LRRC20: variants seen among roughly 807,000 people sequenced by gnomAD.
LRRC20 encodes leucine-rich repeat-containing protein 20.
A neutral mutation model predicts 14.4 loss-of-function variants in LRRC20; 11 were observed. The ratio of observed to expected loss-of-function variants is 0.77; its 90% confidence interval spans 0.48 to 1.27. The LOEUF (loss-of-function observed/expected upper bound fraction) is 1.27. Among genes scored for constraint, LRRC20 ranks in the 50% most tolerant of loss-of-function variants. The pLI, the probability that LRRC20 is intolerant of heterozygous loss-of-function variation, is 0.00. For missense variants in LRRC20, 219 were observed against 251.2 expected, an observed-to-expected ratio of 0.87 and a Z score of 0.87; for synonymous variants, 121 against 107.3, an observed-to-expected ratio of 1.13 and a Z score of -0.79.
At chr10:70,308,431 G>A (rs1017700278) in intron 4 of LRRC20, among the ~76,000 whole-genome samples, 7 of 152,022 alleles carry the variant, frequency 4.6e-5, no homozygotes, top group Admixed American at 1.3e-4. Flanking sequence ...GTTCCCTAAC[G>A]GGAGGAGCTT....
chr10:70,379,593 C>A (rs1002419377), intron 1 of LRRC20, among the ~76,000 whole-genome samples: 1 of 152,162 alleles, frequency 6.6e-6, no homozygotes, highest in Non-Finnish European at 1.5e-5. Flanking sequence ...CTCCGACTTG[C>A]GATTCTGATG....
chr10:70,354,889 A>G (rs569734313), intron 2 of LRRC20, among the ~76,000 whole-genome samples: 1 of 152,188 alleles, frequency 6.6e-6, no homozygotes, highest in Non-Finnish European at 1.5e-5. Context: ...CAGGAGGCCT[A>G]ATTCTTATCC....
At chr10:70,318,371 G>A (rs995264551) in intron 4 of LRRC20, among the ~76,000 whole-genome samples, 4 of 152,250 alleles carry the variant, frequency 2.6e-5, no homozygotes, top group South Asian at 2.1e-4. Context: ...GAGAAATATC[G>A]GCTGGGATAG....
chr10:70,376,807 G>A (rs1258463779), intron 1 of LRRC20: 1 of 481,110 alleles, frequency 2.1e-6, no homozygotes, highest in African/African-American at 2.0e-5. Context: ...TGGCAGCTGG[G>A]TTCTACTGGT....
rs1443775034 is a variant in LRRC20, at chr10:70,299,398, G to T, written c.*1956C>A. ...TGAGAGAAACTTCACCCTCTGCTCGGAGGACATCCCCAGCCTAGGTCCTTG... is the reference window on the plus strand; with the variant it reads ...TGAGAGAAACTTCACCCTCTGCTCGTAGGACATCCCCAGCCTAGGTCCTTG... On this transcript the variant is annotated 3_prime_UTR_variant, in exon 5 of 5. Transcript: ENST00000446961. The T allele has an allele frequency of 6.6e-6, 1 of 152,274 alleles. No homozygotes were observed. The highest frequency in any genetic ancestry group is 1.5e-5 in the Non-Finnish European group (1 of 68,098). The allele number at this position is 152,274 out of a possible 1,614,324, so 9.4% of individuals were successfully genotyped here. A position where few individuals can be genotyped will look rare whatever the true frequency, so the allele number is the denominator to read the frequency against.
chr10:70,335,524 G>A (rs1434485209), intron 3 of LRRC20, among the ~76,000 whole-genome samples: 1 of 152,190 alleles, frequency 6.6e-6, no homozygotes, highest in Non-Finnish European at 1.5e-5. Context: ...CGCTTTGGAG[G>A]GCAGAAGGAG....
Position 70,376,441 on chromosome 10 carries a change from C to A in LRRC20, c.82+11G>T. The A allele has an allele frequency of 1.9e-6, 3 of 1,613,872 alleles. No individual in the cohort carries two copies. Among genetic ancestry groups the A allele is most frequent in the Non-Finnish European group, 2.5e-6 (3 of 1,179,886 alleles). On this transcript the variant is annotated intron_variant, in intron 2 of 4. Coordinates refer to ENST00000446961, the MANE Select transcript of LRRC20 (RefSeq NM_001278212.2). ...TCCAGGGAAGTTGGGAAAAGCCCTG[C>A]CCTCACTCACCCAGAGTGTCAGAGC...
At position 70,323,873 on chromosome 10, in the gene LRRC20, G is replaced by A. The variant is rs1238337067; in HGVS notation, c.390C>T (p.Asn130=). 15 of 1,614,022 alleles carry A rather than the reference G, an allele frequency of 9.3e-6. No individual in the cohort carries two copies. The highest frequency in any genetic ancestry group is 3.3e-5 in the South Asian group (3 of 91,094). ...GCCAGGCCCACTCACCTACGATCTC[G>A]TTCTCCTCCAGGTTGATGGTCTCCA... ...PALETINLEE[N]EIVDVPVEKL... Residue 130 remains asparagine (N), a synonymous_variant, in exon 4 of 5, where the codon AAC becomes AAT. Coordinates refer to ENST00000446961, the MANE Select transcript of LRRC20 (RefSeq NM_001278212.2).
At chr10:70,344,212 G>T (rs1005518001) in intron 2 of LRRC20, among the ~76,000 whole-genome samples, 12 of 151,530 alleles carry the variant, frequency 7.9e-5, no homozygotes, top group African/African-American at 2.2e-4. Context: ...AAAAAGAAAA[G>T]AAAATAAAAA....
chr10:70,361,711 A>C (rs2394725), intron 2 of LRRC20, among the ~76,000 whole-genome samples: 561 of 146,658 alleles, frequency 3.8e-3, no homozygotes, highest in East Asian at 7.9e-3. Context: ...TCCCTCCCCC[A>C]CCCTCACCCT....
At chr10:70,377,893 A>C (rs1844568362) in intron 1 of LRRC20, among the ~76,000 whole-genome samples, 1 of 152,252 alleles carries the variant, frequency 6.6e-6, no homozygotes, top group Non-Finnish European at 1.5e-5. Flanking sequence ...GAACAGTGGG[A>C]AAACACTGAT....
chr10:70,329,561 CT>C (rs375932907), intron 3 of LRRC20, among the ~76,000 whole-genome samples: 284 of 124,844 alleles, frequency 2.3e-3, no homozygotes, highest in African/African-American at 3.1e-3. Flanking sequence ...CTTCTTTTGC[CT>C]TTTTTTTTTT....
intron 1 of LRRC20, among the ~76,000 whole-genome samples, chr10:70,378,431 T>A (rs1337084272): frequency 6.6e-6 from 1 of 150,660 alleles, no homozygotes; most frequent in Non-Finnish European, 1.5e-5. Context: ...TCACTTGAGG[T>A]CGGGAGTTGG....
chr10:70,313,160 A>T (rs999721805), intron 4 of LRRC20, among the ~76,000 whole-genome samples: 2 of 152,184 alleles, frequency 1.3e-5, no homozygotes, highest in Non-Finnish European at 2.9e-5. Flanking sequence ...GAGACAGCCA[A>T]ATAAGCAGCT....
intron 4 of LRRC20, among the ~76,000 whole-genome samples, chr10:70,304,925 C>T (rs1034673616): frequency 9.2e-5 from 14 of 152,282 alleles, no homozygotes; most frequent in East Asian, 1.9e-4. Flanking sequence ...TGGCTCACAC[C>T]GGTAATCCCA....
At chr10:70,336,606 C>T (rs961959461) in intron 3 of LRRC20, among the ~76,000 whole-genome samples, 1 of 152,152 alleles carries the variant, frequency 6.6e-6, no homozygotes, top group Non-Finnish European at 1.5e-5. Flanking sequence ...GAGGATGCTC[C>T]GCCTCTAGTT....
rs147831881 is a variant in LRRC20 at position 70,325,731 on chromosome 10, G to C, written c.233-1701C>G. On this transcript the variant is annotated intron_variant, in intron 3 of 4. Transcript: ENST00000446961. ...TGGTAAGGGCAGAAACCTAGCAGCT[G>C]TCAGGCCTGAGGGTGGTTGCGTGGG... Among the ~76,000 whole-genome samples, 584 of 152,348 alleles carry C rather than the reference G, an allele frequency of 3.8e-3. 2 individuals are homozygous for C. The highest frequency in any genetic ancestry group is 0.013 in the African/African-American group (542 of 41,582).
chr10:70,300,770 C>A lies in LRRC20; in HGVS notation c.*584G>T, dbSNP rs1320138542. 28 of 985,596 alleles carry A rather than the reference C, an allele frequency of 2.8e-5. No homozygotes were observed. Among genetic ancestry groups the A allele is most frequent in the Non-Finnish European group, 3.4e-5 (28 of 830,196 alleles). 61.1% of individuals were successfully genotyped at this position (985,596 alleles called of 1,614,324 possible). A position where few individuals can be genotyped will look rare whatever the true frequency, so the allele number is the denominator to read the frequency against. On this transcript the variant is annotated 3_prime_UTR_variant, in exon 5 of 5. Coordinates refer to ENST00000446961, the MANE Select transcript of LRRC20 (RefSeq NM_001278212.2). ...GTGCCAGCCCATATTCCCACCACAG[C>A]TCTCCCAGGACTCCTAGTTCAGGTT...
Position 70,301,215 on chromosome 10 carries a change from A to T in LRRC20, c.*139T>A. The T allele has an allele frequency of 1.4e-6, 2 of 1,440,536 alleles. No homozygotes were observed. The highest frequency in any genetic ancestry group is 1.8e-6 in the Non-Finnish European group (2 of 1,101,910). 89.2% of individuals were successfully genotyped at this position (1,440,536 alleles called of 1,614,324 possible). On this transcript the variant is annotated 3_prime_UTR_variant, in exon 5 of 5. Coordinates refer to ENST00000446961, the MANE Select transcript of LRRC20 (RefSeq NM_001278212.2). Reference sequence around the variant, plus strand: ...CTGCTGTAAGCTATCTATCCAGACCAGCTGCACCCCACCCACCACGTGCTG... The same window carrying T: ...CTGCTGTAAGCTATCTATCCAGACCTGCTGCACCCCACCCACCACGTGCTG...
Sources: allele counts gnomAD v4.1 joint callset (sites outside exome capture counted in the v4.1 genomes callset), GRCh38; gene constraint gnomAD v4.1.1; transcripts MANE v1.5; gene names NCBI Gene and HGNC (gene_info 2026-07-23, HGNC 2026-07-21).